The following TOX variants were observed in gnomAD, a reference collection of about 807,000 sequenced individuals.
The protein encoded by TOX is thymocyte selection associated high mobility group box.
In TOX, 11 loss-of-function variants were observed where a neutral mutation model predicts 53.7. That is an observed-to-expected ratio of 0.20 (90% confidence interval 0.13 to 0.34). TOX has a LOEUF of 0.34. Among genes scored for constraint, TOX ranks in the 10% least tolerant of loss-of-function variants. The pLI is 1.00. For missense variants in TOX, 570 were observed against 664.6 expected, an observed-to-expected ratio of 0.86 and a Z score of 1.56; for synonymous variants, 225 against 245.3, an observed-to-expected ratio of 0.92 and a Z score of 0.77.
intron 1 of TOX, among the ~76,000 whole-genome samples, chr8:58,994,391 A>AGTGTGTGTGTGT (rs34690974): frequency 2.9e-4 from 42 of 147,060 alleles, no homozygotes; most frequent in East Asian, 1.4e-3. Context: ...CAAAATGCCA[A>AGTGTGTGTGTGT]GTGTGTGTGT....
At chr8:58,915,697 A>G (rs1812006171) in intron 3 of TOX, among the ~76,000 whole-genome samples, 1 of 151,762 alleles carries the variant, frequency 6.6e-6, no homozygotes, top group Non-Finnish European at 1.5e-5. Context: ...ACAAAGCTGG[A>G]TGGAGAATGA....
chr8:59,020,053 C>A (rs1457414618), intron 1 of TOX, among the ~76,000 whole-genome samples: 2 of 152,144 alleles, frequency 1.3e-5, no homozygotes, highest in African/African-American at 4.8e-5. Context: ...TTATGCCTTG[C>A]CTATGAGTTG....
At chr8:58,879,800 A>G (rs1196709159) in intron 3 of TOX, among the ~76,000 whole-genome samples, 1 of 152,218 alleles carries the variant, frequency 6.6e-6, no homozygotes, top group Non-Finnish European at 1.5e-5. Flanking sequence ...GGATGGATCT[A>G]TGACAAACCT....
chr8:58,854,313 T>TA (rs1810875338), intron 3 of TOX, among the ~76,000 whole-genome samples: 1 of 152,232 alleles, frequency 6.6e-6, no homozygotes, highest in Non-Finnish European at 1.5e-5. Flanking sequence ...GTGGTTTTAA[T>TA]ATATCAGAGA....
At chr8:59,106,167 C>T (rs1172345525) in intron 1 of TOX, among the ~76,000 whole-genome samples, 2 of 152,124 alleles carry the variant, frequency 1.3e-5, no homozygotes, top group African/African-American at 4.8e-5. Context: ...GAACCTTCCA[C>T]CTCTCAGAAA....
chr8:58,954,359 TA>T (rs1812676749), intron 2 of TOX, among the ~76,000 whole-genome samples: 1 of 152,188 alleles, frequency 6.6e-6, no homozygotes, highest in Non-Finnish European at 1.5e-5. Context: ...TTCATGTGAT[TA>T]AAAAATGTAC....
intron 3 of TOX, among the ~76,000 whole-genome samples, chr8:58,855,302 A>C (rs1024402474): frequency 1.3e-5 from 2 of 152,186 alleles, no homozygotes; most frequent in Admixed American, 6.5e-5. Context: ...TCCAAGCCTA[A>C]GTCTGCAATT....
chr8:59,007,459 C>G (rs1813813472), intron 1 of TOX, among the ~76,000 whole-genome samples: 1 of 152,018 alleles, frequency 6.6e-6, no homozygotes, highest in African/African-American at 2.4e-5. Flanking sequence ...AACAGTATAT[C>G]TAACTGTAAA....
chr8:58,878,835 C>T (rs915048011), intron 3 of TOX, among the ~76,000 whole-genome samples: 11 of 151,948 alleles, frequency 7.2e-5, no homozygotes, highest in Admixed American at 2.0e-4. Flanking sequence ...CTGAGGCGGG[C>T]GGATCACCTG....
In TOX at chr8:59,022,460, T is replaced by C. The variant is rs150727400; in HGVS notation, c.103-62452A>G. 1.4e-4 allele frequency among the ~76,000 whole-genome samples: 22 copies of C among 152,272 alleles called. No homozygotes were observed. The East Asian group carries it at 4.1e-3, about 28-fold the overall frequency. On this transcript the variant is annotated intron_variant, in intron 1 of 8. Coordinates refer to ENST00000361421, the MANE Select transcript of TOX (RefSeq NM_014729.3). ...ACAAATGAAGAAATGAAAGAGGTCA[T>C]GTACCTTCCCTAATTCCACACAGCT... is the stretch of plus-strand genomic sequence containing the variant.
At chr8:59,069,364 C>A (rs1480857072) in intron 1 of TOX, among the ~76,000 whole-genome samples, 2 of 152,038 alleles carry the variant, frequency 1.3e-5, no homozygotes, top group African/African-American at 4.8e-5. Flanking sequence ...AGTAGGAAAA[C>A]AAACAGGCTT....
intron 3 of TOX, among the ~76,000 whole-genome samples, chr8:58,912,432 T>G (rs1263595992): frequency 6.6e-6 from 1 of 152,218 alleles, no homozygotes; most frequent in Non-Finnish European, 1.5e-5. Flanking sequence ...TTTTTCTCTT[T>G]CTATTTTTCA....
At chr8:58,832,866 A>G (rs1033072155) in intron 5 of TOX, among the ~76,000 whole-genome samples, 1 of 152,204 alleles carries the variant, frequency 6.6e-6, no homozygotes, top group Non-Finnish European at 1.5e-5. Flanking sequence ...AGGTGTTGCT[A>G]TTGAGCTGAA....
At chr8:59,062,161 C>A (rs1043671799) in intron 1 of TOX, among the ~76,000 whole-genome samples, 1 of 152,034 alleles carries the variant, frequency 6.6e-6, no homozygotes, top group African/African-American at 2.4e-5. Context: ...GGAAAGGTTG[C>A]GAAGCAGTGT....
intron 1 of TOX, among the ~76,000 whole-genome samples, chr8:59,089,077 C>T (rs1411076290): frequency 1.3e-5 from 2 of 152,162 alleles, no homozygotes; most frequent in Admixed American, 6.5e-5. Flanking sequence ...AAATCAAGAT[C>T]TTAATGAACC....
chr8:59,095,429 T>A (rs1804698012), intron 1 of TOX, among the ~76,000 whole-genome samples: 1 of 152,182 alleles, frequency 6.6e-6, no homozygotes, highest in African/African-American at 2.4e-5. Flanking sequence ...TTTTTTGAGA[T>A]GAAGTCTCGC....
At chr8:58,953,468 C>T (rs1329440818) in intron 2 of TOX, among the ~76,000 whole-genome samples, 1 of 152,150 alleles carries the variant, frequency 6.6e-6, no homozygotes, top group African/African-American at 2.4e-5. Context: ...AAGCCAAATG[C>T]TAGAGTAGTT....
chr8:58,907,877 T>C (rs2129173463), intron 3 of TOX, among the ~76,000 whole-genome samples: 1 of 152,336 alleles, frequency 6.6e-6, no homozygotes, highest in East Asian at 1.9e-4. Context: ...TGGACTCAAT[T>C]CATTGGGTTT....
chr8:59,095,832 T>C (rs1200665942), intron 1 of TOX, among the ~76,000 whole-genome samples: 1 of 152,226 alleles, frequency 6.6e-6, no homozygotes, highest in East Asian at 1.9e-4. Context: ...ATGCTAGCAC[T>C]CCAGTGGTTT....
Sources: gnomAD v4.1 joint callset for allele counts (sites outside exome capture counted in the v4.1 genomes callset) on GRCh38, gnomAD v4.1.1 for gene constraint, MANE v1.5 for transcripts, NCBI Gene and HGNC (gene_info 2026-07-23, HGNC 2026-07-21) for gene names.